LPP: variants seen among roughly 807,000 people sequenced by gnomAD.
The protein encoded by LPP is lipoma-preferred partner.
Under a neutral mutation model 60.4 loss-of-function variants are expected in LPP, and 38 were observed. That is an observed-to-expected ratio of 0.63 (90% confidence interval 0.49 to 0.83). LPP has a LOEUF of 0.83. Ranked by LOEUF, LPP falls within the 40% of genes least tolerant of loss-of-function variation. The pLI, the probability that LPP is intolerant of heterozygous loss-of-function variation, is 0.00. For synonymous variants in LPP, 328 were observed against 290.8 expected, an observed-to-expected ratio of 1.13 and a Z score of -1.30; for missense variants, 902 against 783.6, an observed-to-expected ratio of 1.15 and a Z score of -1.80.
intron 4 of LPP, among the ~76,000 whole-genome samples, chr3:188,444,590 T>C (rs1218703488): frequency 2.0e-5 from 3 of 152,118 alleles, no homozygotes; most frequent in Non-Finnish European, 4.4e-5. Flanking sequence ...ACTTCATGAC[T>C]AAAACACCAA....
chr3:188,825,913 C>T (rs1195130455), intron 9 of LPP, among the ~76,000 whole-genome samples: 1 of 151,994 alleles, frequency 6.6e-6, no homozygotes, highest in Admixed American at 6.6e-5. Flanking sequence ...TTTTTTTCTC[C>T]GTGTGCCACC....
At chr3:188,592,033 A>G (rs1838825297) in intron 6 of LPP, among the ~76,000 whole-genome samples, 1 of 152,168 alleles carries the variant, frequency 6.6e-6, no homozygotes, top group Non-Finnish European at 1.5e-5. Flanking sequence ...GCACCTCCTC[A>G]AATCTTTTTA....
chr3:188,371,865 C>T (rs1578404089), intron 3 of LPP, among the ~76,000 whole-genome samples: 1 of 150,904 alleles, frequency 6.6e-6, no homozygotes, highest in East Asian at 2.0e-4. Context: ...GCCATGTTGG[C>T]CAGGCTGGTC....
At chr3:188,443,405 C>A (rs6444289) in intron 4 of LPP, among the ~76,000 whole-genome samples, 143,919 of 152,268 alleles carry the variant, frequency 0.95, 68,298 homozygotes, top group East Asian at 0.99. Flanking sequence ...GCTCTGTGGC[C>A]TGGCAGGGTT....
intron 1 of LPP, among the ~76,000 whole-genome samples, chr3:188,177,965 A>G (rs1002156270): frequency 6.6e-6 from 1 of 152,238 alleles, no homozygotes; most frequent in East Asian, 1.9e-4. Context: ...GGCCAATTCC[A>G]TACATGCTCT....
At chr3:188,792,094 C>T (rs1743956296) in intron 9 of LPP, among the ~76,000 whole-genome samples, 1 of 152,138 alleles carries the variant, frequency 6.6e-6, no homozygotes, top group East Asian at 1.9e-4. Context: ...TTCCCACTGC[C>T]ATCCTCCTGG....
chr3:188,433,599 TGAGAGAGA>T (rs59204304), intron 4 of LPP, among the ~76,000 whole-genome samples: 17,032 of 137,484 alleles, frequency 0.12, 1,288 homozygotes, highest in East Asian at 0.29. Flanking sequence ...AGACAGAAAG[TGAGAGAGA>T]GAGAGAGAGA....
chr3:188,659,837 C>T (rs563129396), intron 7 of LPP, among the ~76,000 whole-genome samples: 33 of 148,830 alleles, frequency 2.2e-4, no homozygotes, highest in African/African-American at 8.3e-4. Context: ...CACACACACA[C>T]ACATCATTTA....
intron 9 of LPP, among the ~76,000 whole-genome samples, chr3:188,864,174 C>T (rs113662606): frequency 1.2e-3 from 178 of 152,236 alleles, no homozygotes; most frequent in South Asian, 7.0e-3. Flanking sequence ...AGTTTCCATG[C>T]GTTTAGACTG....
chr3:188,808,483 A>G (rs923058924), intron 9 of LPP, among the ~76,000 whole-genome samples: 1 of 151,932 alleles, frequency 6.6e-6, no homozygotes, highest in Non-Finnish European at 1.5e-5. Flanking sequence ...ATGATGAGTT[A>G]TCACTGGTGC....
intron 7 of LPP, among the ~76,000 whole-genome samples, chr3:188,648,893 G>C (rs1851578146): frequency 6.6e-6 from 1 of 152,140 alleles, no homozygotes. Context: ...ACCAAGCTAA[G>C]ATGCACATGT....
chr3:188,759,401 T>A (rs1731401456), intron 8 of LPP: 1 of 152,204 alleles, frequency 6.6e-6, no homozygotes, highest in Non-Finnish European at 1.5e-5. Context: ...TTCAAAGGAA[T>A]AACAGACTTG....
intron 9 of LPP, among the ~76,000 whole-genome samples, chr3:188,837,556 T>C (rs1029617188): frequency 2.0e-5 from 3 of 152,108 alleles, no homozygotes; most frequent in African/African-American, 7.2e-5. Context: ...GTCACCCTCA[T>C]CAGCAACTGA....
chr3:188,686,580 C>T (rs1216163201), intron 7 of LPP, among the ~76,000 whole-genome samples: 1 of 152,206 alleles, frequency 6.6e-6, no homozygotes, highest in Admixed American at 6.5e-5. Context: ...GTGGCATATT[C>T]TAACCATATT....
intron 6 of LPP, among the ~76,000 whole-genome samples, chr3:188,587,512 T>A (rs1837735305): frequency 6.6e-6 from 1 of 152,332 alleles, no homozygotes; most frequent in South Asian, 2.1e-4. Context: ...GCATAATGCA[T>A]CTTTAATTAA....
rs1228498473 is a variant in LPP, at chr3:188,592,359, CACACACACAT to C, written c.430-16794_430-16785del. 2.0e-5 allele frequency among the ~76,000 whole-genome samples: 3 copies of C among 151,902 alleles called. No homozygotes were observed. The East Asian group carries it at 5.8e-4, about 29-fold the overall frequency. On this transcript the variant is annotated intron_variant, in intron 6 of 11. Transcript: ENST00000617246. Reference sequence around the variant, plus strand: ...CAAAACACACACGCACACAGTCACACACACACACATACACACAGTCACACACACACTTACA... The same window carrying C: ...CAAAACACACACGCACACAGTCACACACACACAGTCACACACACACTTACA...
In LPP at chr3:188,708,342, A is replaced by T; in HGVS notation, c.1189A>T (p.Thr397Ser). ...FRPEDELEHL[T>S]KKMLYDMENP... ...CCCAGAGGATGAGCTTGAGCACCTG[A>T]CCAAAAAGATGCTGTATGACATGGA... The change falls in exon 8 of 12, where the codon ACC becomes TCC. Residue 397 changes from threonine to serine, a missense_variant. By Grantham distance (58) the Thr-to-Ser change is moderately conservative. Transcript: ENST00000617246. 1 of 1,614,170 alleles carries T rather than the reference A, an allele frequency of 6.2e-7. No homozygotes were observed. The highest frequency in any genetic ancestry group is 1.1e-5 in the South Asian group (1 of 91,086).
At chr3:188,697,052 T>G (rs576442180) in intron 7 of LPP, among the ~76,000 whole-genome samples, 144 of 152,336 alleles carry the variant, frequency 9.5e-4, no homozygotes, top group Middle Eastern at 3.4e-3. Context: ...TGATTTTCAC[T>G]GGTCAAGCAA....
At chr3:188,406,471 A>T (rs1202864579) in intron 4 of LPP, among the ~76,000 whole-genome samples, 158 bp downstream of exon 4, 1 of 152,258 alleles carries the variant, frequency 6.6e-6, no homozygotes, top group Non-Finnish European at 1.5e-5. Context: ...GAAATAGTCT[A>T]GACCAACCCC....
Sources: allele counts gnomAD v4.1 joint callset (sites outside exome capture counted in the v4.1 genomes callset), GRCh38; gene constraint gnomAD v4.1.1; transcripts MANE v1.5; gene names NCBI Gene and HGNC (gene_info 2026-07-23, HGNC 2026-07-21).